The following DOCK4 variants were observed in gnomAD, a reference collection of about 807,000 sequenced individuals.
DOCK4 encodes dedicator of cytokinesis protein 4.
Under a neutral mutation model 268.1 loss-of-function variants are expected in DOCK4, and 97 were observed. The ratio of observed to expected loss-of-function variants is 0.36; its 90% CI spans 0.31 to 0.43. The LOEUF (loss-of-function observed/expected upper bound fraction) is 0.43, where lower values mean the gene tolerates loss of function less well. DOCK4 is among the 20% of genes least tolerant of loss of function. The pLI is 1.00. For synonymous variants in DOCK4, 954 were observed against 887.2 expected (o/e 1.08, Z -1.34); for missense variants, 2,145 against 2,455.7 (o/e 0.87, Z 2.67).
chr7:111,994,723 T>C (rs1799790365), intron 4 of DOCK4, among the ~76,000 whole-genome samples: 1 of 152,194 alleles, frequency 6.6e-6, no homozygotes, highest in South Asian at 2.1e-4. Flanking sequence ...GAGATACTAA[T>C]TGAACACTCT....
intron 32 of DOCK4, chr7:111,784,622 TCTC>T: frequency 2.7e-6 from 1 of 374,970 alleles, no homozygotes; most frequent in Non-Finnish European, 5.3e-6. Flanking sequence ...GAACCACATC[TCTC>T]CTCCTACATT....
At chr7:112,073,215 T>C (rs1807760454) in intron 1 of DOCK4, among the ~76,000 whole-genome samples, 1 of 152,098 alleles carries the variant, frequency 6.6e-6, no homozygotes, top group South Asian at 2.1e-4. Context: ...TCAAGTTTTT[T>C]CTTCTGAGGA....
At chr7:111,797,084 AC>A (rs1799947252) in intron 30 of DOCK4, among the ~76,000 whole-genome samples, 1 of 152,178 alleles carries the variant, frequency 6.6e-6, no homozygotes, top group Non-Finnish European at 1.5e-5. Flanking sequence ...TTCAGTTTAC[AC>A]CCCTCTGAAG....
At position 112,078,310 on chromosome 7, in the gene DOCK4, C is replaced by T. The variant is rs190379458; in HGVS notation, c.38-74179G>A. Among the ~76,000 whole-genome samples, 86 of 152,256 alleles carry T rather than the reference C, an allele frequency of 5.6e-4. No individual in the cohort carries two copies. The East Asian group carries it at 0.014, about 24-fold the overall frequency. On this transcript the variant is annotated intron_variant, in intron 1 of 52. Coordinates refer to ENST00000428084, the MANE Select transcript of DOCK4 (RefSeq NM_001363540.2). Reference sequence around the variant, plus strand: ...ACCCCATTTCTCTCAATACATTCTGCTCCCAGCTACGTCCAAGACAACTAG... The same window carrying T: ...ACCCCATTTCTCTCAATACATTCTGTTCCCAGCTACGTCCAAGACAACTAG...
chr7:112,161,395 G>T (rs1404176281), intron 1 of DOCK4, among the ~76,000 whole-genome samples: 1 of 152,070 alleles, frequency 6.6e-6, no homozygotes, highest in Non-Finnish European at 1.5e-5. Context: ...ACATAGTAAT[G>T]GGAAGGAAAG....
rs781176191 is a variant in DOCK4, at chr7:111,742,054, C to T, written c.4756G>A (p.Val1586Ile). ...QDMRPLHKKL[V>I]DQFFVMKSSL... ...GACTTCATCACAAAGAATTGGTCAA[C>T]CAGCTTTTTGTGAAGGGGTCTCATA... The change falls in exon 45 of 53, where the codon GTT becomes ATT. Residue 1586 changes from valine (V) to isoleucine (I), a missense_variant. By Grantham distance (29) the Val-to-Ile change is conservative (BLOSUM62 3). This residue lies in a region of DOCK4 where 1,598 missense variants were observed against 1,986.7 expected (regional missense o/e 0.80). Coordinates refer to ENST00000428084, the MANE Select transcript of DOCK4 (RefSeq NM_001363540.2). The T allele has an allele frequency of 1.2e-6, 2 of 1,608,790 alleles. No individual in the cohort carries two copies. The highest frequency in any genetic ancestry group is 1.1e-5 in the South Asian group (1 of 90,054).
intron 1 of DOCK4, among the ~76,000 whole-genome samples, chr7:112,032,767 A>G (rs1803392151): frequency 6.6e-6 from 1 of 152,192 alleles, no homozygotes; most frequent in South Asian, 2.1e-4. Flanking sequence ...GTGGAGGGAT[A>G]GGAAAGAGGT....
chr7:111,734,914 T>C, intron 51 of DOCK4, 140 bp downstream of exon 51: 1 of 675,594 alleles, frequency 1.5e-6, no homozygotes, highest in South Asian at 1.8e-5. Flanking sequence ...GGGAGACAAT[T>C]GTCAAGGAAT....
chr7:112,058,632 A>G (rs559597867), intron 1 of DOCK4, among the ~76,000 whole-genome samples: 7 of 152,308 alleles, frequency 4.6e-5, no homozygotes, highest in South Asian at 2.1e-4. Context: ...CAGGGCTTCA[A>G]TGAAGCAAGA....
At chr7:111,784,700 T>C (rs757368597) in intron 32 of DOCK4, among the ~76,000 whole-genome samples, 9 of 152,194 alleles carry the variant, frequency 5.9e-5, no homozygotes, top group African/African-American at 9.6e-5. Flanking sequence ...ACAATCATGA[T>C]AATTACAATC....
At chr7:111,806,991 A>T (rs1330914386) in intron 30 of DOCK4, among the ~76,000 whole-genome samples, 1 of 152,218 alleles carries the variant, frequency 6.6e-6, no homozygotes, top group Non-Finnish European at 1.5e-5. Flanking sequence ...ATGTTTAGGG[A>T]GATTACATGT....
chr7:111,791,070 T>TTATATATACATATA (rs1799495161), intron 30 of DOCK4, among the ~76,000 whole-genome samples: 1 of 95,484 alleles, frequency 1.0e-5, no homozygotes, highest in Non-Finnish European at 1.9e-5. Flanking sequence ...AAAAAAAAAA[T>TTATATATACATATA]TATATATATA....
At chr7:112,066,491 T>C (rs974654397) in intron 1 of DOCK4, among the ~76,000 whole-genome samples, 2 of 137,528 alleles carry the variant, frequency 1.5e-5, no homozygotes, top group African/African-American at 6.8e-5. Flanking sequence ...ATGCTTTCTC[T>C]CTCTCCCTCT....
At chr7:112,190,534 G>A (rs1327985611) in intron 1 of DOCK4, among the ~76,000 whole-genome samples, 2 of 152,164 alleles carry the variant, frequency 1.3e-5, no homozygotes, top group South Asian at 2.1e-4. Context: ...CATCTCTGAG[G>A]AGCCAGTGGT....
intron 39 of DOCK4, among the ~76,000 whole-genome samples, chr7:111,762,757 G>GTTTTC (rs1563469335): frequency 1.6e-4 from 9 of 54,998 alleles, no homozygotes; most frequent in Admixed American, 4.7e-4. Context: ...ATTTTGTTTT[G>GTTTTC]TTTTCTTTTT....
chr7:112,090,493 A>G (rs955160690), intron 1 of DOCK4, among the ~76,000 whole-genome samples: 2 of 152,222 alleles, frequency 1.3e-5, no homozygotes, highest in Non-Finnish European at 2.9e-5. Flanking sequence ...TATTTCTGAA[A>G]TAATCTAGTC....
chr7:111,847,836 G>A (rs1043684729), intron 23 of DOCK4, among the ~76,000 whole-genome samples: 1 of 152,218 alleles, frequency 6.6e-6, no homozygotes, highest in South Asian at 2.1e-4. Context: ...TCAGCAGCAC[G>A]AAAATGGACT....
At chr7:111,956,770 T>C (rs114667132) in intron 8 of DOCK4, among the ~76,000 whole-genome samples, 2,585 of 152,248 alleles carry the variant, frequency 0.017, 81 homozygotes, top group African/African-American at 0.059. Context: ...GAAGTCTCAA[T>C]ATTCTCATCT....
intron 1 of DOCK4, among the ~76,000 whole-genome samples, chr7:112,074,663 T>C (rs546017980): frequency 3.9e-5 from 6 of 152,336 alleles, no homozygotes; most frequent in African/African-American, 1.4e-4. Context: ...ACACTTCATC[T>C]GGGCAGAAGC....
Sources: allele counts gnomAD v4.1 joint callset (sites outside exome capture counted in the v4.1 genomes callset), GRCh38; gene constraint gnomAD v4.1.1; regional missense constraint gnomAD v4.1.1; transcripts MANE v1.5; gene names NCBI Gene and HGNC (gene_info 2026-07-23, HGNC 2026-07-21).